The following SIL1 variants were observed in gnomAD, a reference collection of about 807,000 sequenced individuals.
The protein encoded by SIL1 is SIL1 nucleotide exchange factor, also known as nucleotide exchange factor SIL1.
Under a neutral mutation model 49.1 loss-of-function variants are expected in SIL1, and 40 were observed. That is an observed-to-expected ratio of 0.81 (90% CI 0.63 to 1.06). The LOEUF is 1.06. Ranked by LOEUF, SIL1 falls within the 50% of genes least tolerant of loss-of-function variation. The pLI, the probability that SIL1 is intolerant of heterozygous loss-of-function variation, is 0.00. For missense variants in SIL1, 500 were observed against 572.6 expected (o/e 0.87, Z 1.29); for synonymous variants, 253 against 250.8 (o/e 1.01, Z -0.08).
At chr5:139,197,733 T>C (rs1293210700) in intron 1 of SIL1, among the ~76,000 whole-genome samples, 1 of 152,118 alleles carries the variant, frequency 6.6e-6, no homozygotes, top group Admixed American at 6.5e-5. Context: ...CCACGCACCA[T>C]CTTATCGGAA....
At chr5:139,026,273 C>G (rs547258659) in intron 6 of SIL1, among the ~76,000 whole-genome samples, 2 of 152,126 alleles carry the variant, frequency 1.3e-5, no homozygotes, top group South Asian at 4.1e-4. Flanking sequence ...GTGGTACCCT[C>G]AGAGGTACTA....
chr5:138,960,587 A>G (rs1027539165), intron 7 of SIL1, among the ~76,000 whole-genome samples: 5 of 151,294 alleles, frequency 3.3e-5, no homozygotes, highest in African/African-American at 1.2e-4. Context: ...CACAACACTA[A>G]CCACCATGCC....
chr5:138,984,911 A>G (rs567125846), intron 7 of SIL1, among the ~76,000 whole-genome samples: 1 of 152,364 alleles, frequency 6.6e-6, no homozygotes, highest in Non-Finnish European at 1.5e-5. Context: ...CTCAGGCGCT[A>G]TTCTTCACAA....
At chr5:139,110,281 C>A (rs113029849) in intron 3 of SIL1, among the ~76,000 whole-genome samples, 5,301 of 151,902 alleles carry the variant, frequency 0.035, 289 homozygotes, top group African/African-American at 0.12. Flanking sequence ...GGGTGGGGAG[C>A]AGGGGTCGTT....
At chr5:138,974,568 C>T (rs1047545639) in intron 7 of SIL1, among the ~76,000 whole-genome samples, 1 of 152,186 alleles carries the variant, frequency 6.6e-6, no homozygotes. Flanking sequence ...GAATTATTCA[C>T]ACTAGGGATA....
intron 7 of SIL1, among the ~76,000 whole-genome samples, chr5:138,996,194 T>C (rs998360152): frequency 3.9e-5 from 6 of 152,228 alleles, no homozygotes; most frequent in African/African-American, 1.2e-4. Context: ...GCATCCATTA[T>C]TCCCTGTCTC....
chr5:139,020,473 G>A (rs1053000549), intron 7 of SIL1, among the ~76,000 whole-genome samples: 1 of 152,164 alleles, frequency 6.6e-6, no homozygotes, highest in African/African-American at 2.4e-5. Flanking sequence ...CAGAATATTT[G>A]TTCCTGTTTT....
chr5:138,970,337 G>A (rs947506782), intron 7 of SIL1, among the ~76,000 whole-genome samples: 3 of 152,218 alleles, frequency 2.0e-5, no homozygotes, highest in Admixed American at 1.3e-4. Context: ...AAAGTGTTAG[G>A]TACAGGATTT....
chr5:138,995,718 C>T (rs1254274382), intron 7 of SIL1, among the ~76,000 whole-genome samples: 1 of 152,078 alleles, frequency 6.6e-6, no homozygotes, highest in Non-Finnish European at 1.5e-5. Flanking sequence ...CTCCTCTTTC[C>T]CCTACTTTTC....
At chr5:138,954,756 G>A (rs549684281) in intron 7 of SIL1, among the ~76,000 whole-genome samples, 3 of 152,352 alleles carry the variant, frequency 2.0e-5, no homozygotes, top group Admixed American at 2.0e-4. Flanking sequence ...ACAGCTCAGA[G>A]TGAGGCCTCT....
intron 3 of SIL1, among the ~76,000 whole-genome samples, chr5:139,097,950 C>T (rs1770506097): frequency 6.6e-6 from 1 of 151,926 alleles, no homozygotes; most frequent in South Asian, 2.1e-4. Context: ...GAAAAGGACA[C>T]CAAAAAATGG....
At chr5:139,050,482 G>GAAGGCCTGC (rs1177803406) in intron 4 of SIL1, among the ~76,000 whole-genome samples, 2 of 152,204 alleles carry the variant, frequency 1.3e-5, no homozygotes, top group Admixed American at 6.5e-5. Context: ...TATACTATAA[G>GAAGGCCTGC]AAGGCCTGTT....
At chr5:139,036,984 A>G (rs188363536) in intron 5 of SIL1, among the ~76,000 whole-genome samples, 96 of 151,460 alleles carry the variant, frequency 6.3e-4, no homozygotes, top group African/African-American at 1.9e-3. Context: ...TTTTCATTCT[A>G]TTTGGAGAAT....
chr5:139,001,838 G>A (rs1767990087), intron 7 of SIL1, among the ~76,000 whole-genome samples: 2 of 152,056 alleles, frequency 1.3e-5, no homozygotes, highest in African/African-American at 4.8e-5. Context: ...CCGGGAGGCA[G>A]AGGTTGCCGT....
intron 3 of SIL1, among the ~76,000 whole-genome samples, chr5:139,099,139 A>G (rs1296783893): frequency 6.6e-6 from 1 of 152,170 alleles, no homozygotes; most frequent in Non-Finnish European, 1.5e-5. Context: ...TCTTAAAAGA[A>G]GACATACAAA....
At chr5:139,070,183 T>C (rs761644834) in intron 3 of SIL1, among the ~76,000 whole-genome samples, 11 of 152,186 alleles carry the variant, frequency 7.2e-5, no homozygotes, top group Non-Finnish European at 1.2e-4. Context: ...TCAGTAATCA[T>C]ATCAGGGATA....
chr5:139,173,790 C>CAAAA (rs70982756), intron 1 of SIL1, among the ~76,000 whole-genome samples: 3 of 106,372 alleles, frequency 2.8e-5, no homozygotes, highest in Admixed American at 1.1e-4. Context: ...ACTAAAAATA[C>CAAAA]AAAAAAAAAA....
chr5:139,179,518 T>C (rs942700964), intron 1 of SIL1, among the ~76,000 whole-genome samples: 11 of 152,242 alleles, frequency 7.2e-5, no homozygotes, highest in African/African-American at 2.4e-4. Context: ...CCATTTTCCC[T>C]CTACAGAAGC....
At chr5:138,960,633 T>G (rs1262329221) in intron 7 of SIL1, among the ~76,000 whole-genome samples, 1 of 152,120 alleles carries the variant, frequency 6.6e-6, no homozygotes, top group African/African-American at 2.4e-5. Flanking sequence ...TTTTTGTATT[T>G]TTAGTGGAGA....
Sources: gnomAD v4.1 joint callset for allele counts (sites outside exome capture counted in the v4.1 genomes callset) on GRCh38, gnomAD v4.1.1 for gene constraint, MANE v1.5 for transcripts, NCBI Gene and HGNC (gene_info 2026-07-23, HGNC 2026-07-21) for gene names.